Variants in AGBL1 observed in about 807,000 individuals in gnomAD.
AGBL1 encodes cytosolic carboxypeptidase 4.
In AGBL1, 130 loss-of-function variants were observed where a neutral mutation model predicts 118.9. The ratio of observed to expected loss-of-function variants is 1.09; its 90% CI spans 0.95 to 1.26. AGBL1 has a LOEUF of 1.26. Ranked by LOEUF, AGBL1 falls within the 50% of genes most tolerant of loss-of-function variation. The pLI is 0.00. For synonymous variants in AGBL1, 555 were observed against 478.9 expected, an observed-to-expected ratio of 1.16 and a Z score of -2.08; for missense variants, 1,584 against 1,298.1, an observed-to-expected ratio of 1.22 and a Z score of -3.38.
intron 6 of AGBL1, among the ~76,000 whole-genome samples, chr15:86,230,501 A>G (rs2078438679): frequency 6.6e-6 from 1 of 152,174 alleles, no homozygotes; most frequent in South Asian, 2.1e-4. Context: ...TTGCATGTAA[A>G]TTCTGTGTTT....
intron 22 of AGBL1, among the ~76,000 whole-genome samples, chr15:86,837,020 C>G (rs933492235): frequency 1.3e-5 from 2 of 152,096 alleles, no homozygotes; most frequent in Non-Finnish European, 2.9e-5. Context: ...ACAGTTACAC[C>G]TCTAGCACCT....
At chr15:86,884,277 T>C (rs2079938063) in intron 22 of AGBL1, among the ~76,000 whole-genome samples, 1 of 152,150 alleles carries the variant, frequency 6.6e-6, no homozygotes, top group African/African-American at 2.4e-5. Flanking sequence ...GGGCAGGTAG[T>C]ATACACAGGG....
At chr15:86,498,606 G>T (rs1250948474) in intron 18 of AGBL1, among the ~76,000 whole-genome samples, 2 of 151,764 alleles carry the variant, frequency 1.3e-5, no homozygotes, top group Non-Finnish European at 2.9e-5. Flanking sequence ...AATATTACTT[G>T]GTATGTGTAT....
intron 21 of AGBL1, among the ~76,000 whole-genome samples, chr15:86,645,586 C>A (rs1350577897): frequency 6.6e-6 from 1 of 152,040 alleles, no homozygotes; most frequent in African/African-American, 2.4e-5. Flanking sequence ...TCCTGTGCAC[C>A]TTTTATGAAG....
Position 86,143,689 on chromosome 15 carries a change from T to C in AGBL1, c.116-10T>C, listed in dbSNP as rs762602881. On this transcript the variant is annotated splice_polypyrimidine_tract_variant and intron_variant, in intron 2 of 22. Transcript: ENST00000614907. ...ACTTGTGGCTCATCTTTCCTCCGGT[T>C]TCCCCTCAGGCACAGACCGGAGAAT... is the stretch of plus-strand genomic sequence containing the variant. 29 of 1,612,436 alleles carry C rather than the reference T, an allele frequency of 1.8e-5. No homozygotes were observed. The highest frequency in any genetic ancestry group is 1.4e-5 in the Non-Finnish European group (17 of 1,179,060).
chr15:86,901,223 A>T (rs1362861119), intron 22 of AGBL1, among the ~76,000 whole-genome samples: 2 of 152,140 alleles, frequency 1.3e-5, no homozygotes, highest in South Asian at 2.1e-4. Flanking sequence ...TTCATTTCTA[A>T]AAGATTTTTT....
chr15:86,617,221 A>G (rs1345113014), intron 21 of AGBL1, among the ~76,000 whole-genome samples: 1 of 152,204 alleles, frequency 6.6e-6, no homozygotes, highest in Non-Finnish European at 1.5e-5. Context: ...GACTAGTGTC[A>G]TTCGACAGAA....
chr15:86,605,141 A>AC (rs1032048152), intron 21 of AGBL1, among the ~76,000 whole-genome samples: 1 of 151,544 alleles, frequency 6.6e-6, no homozygotes, highest in African/African-American at 2.4e-5. Context: ...CATGAAGAAT[A>AC]TTTTTTTTAA....
At chr15:86,446,378 G>T (rs2082121414) in intron 18 of AGBL1, among the ~76,000 whole-genome samples, 1 of 152,200 alleles carries the variant, frequency 6.6e-6, no homozygotes, top group East Asian at 1.9e-4. Flanking sequence ...AGCCAGAGAA[G>T]CTCAAGGGAG....
At chr15:86,504,800 G>T (rs1420364801) in intron 18 of AGBL1, among the ~76,000 whole-genome samples, 1 of 151,570 alleles carries the variant, frequency 6.6e-6, no homozygotes, top group Non-Finnish European at 1.5e-5. Context: ...AATCAGGGAA[G>T]AAATTTTATA....
intron 21 of AGBL1, among the ~76,000 whole-genome samples, chr15:86,570,948 C>A (rs1643895309): frequency 6.6e-6 from 1 of 152,128 alleles, no homozygotes; most frequent in Non-Finnish European, 1.5e-5. Flanking sequence ...GGTGTGTGAG[C>A]AGCATGCGGG....
chr15:86,736,450 T>C (rs1445497645), intron 22 of AGBL1, among the ~76,000 whole-genome samples: 1 of 152,096 alleles, frequency 6.6e-6, no homozygotes, highest in Non-Finnish European at 1.5e-5. Flanking sequence ...ATATAGCATC[T>C]CCCATTTAAT....
intron 22 of AGBL1, among the ~76,000 whole-genome samples, chr15:86,871,524 C>T (rs887684651): frequency 2.0e-5 from 3 of 152,160 alleles, no homozygotes; most frequent in African/African-American, 7.2e-5. Context: ...CTCCTGTGGT[C>T]TGGATCCTCA....
intron 17 of AGBL1, chr15:86,297,065 A>G (rs2079656619): frequency 6.6e-6 from 1 of 152,198 alleles, no homozygotes; most frequent in Non-Finnish European, 1.5e-5. Flanking sequence ...TGGCACTCCA[A>G]CAAATAGTTC....
intron 5 of AGBL1, among the ~76,000 whole-genome samples, chr15:86,188,904 A>G (rs939579170): frequency 6.6e-6 from 1 of 152,192 alleles, no homozygotes. Context: ...TGTAAAACAG[A>G]TTTATATGCT....
chr15:86,693,201 G>A (rs748731715), intron 22 of AGBL1, among the ~76,000 whole-genome samples: 7 of 151,932 alleles, frequency 4.6e-5, no homozygotes, highest in Non-Finnish European at 1.0e-4. Flanking sequence ...TTCCATAGTC[G>A]TTGTACTAGT....
intron 16 of AGBL1, among the ~76,000 whole-genome samples, chr15:86,286,689 A>G (rs1270168721): frequency 3.1e-5 from 4 of 129,376 alleles, no homozygotes; most frequent in Non-Finnish European, 6.7e-5. Flanking sequence ...ATGTATGTAT[A>G]TATATATGTG....
chr15:86,398,757 G>T (rs937621070), intron 18 of AGBL1, among the ~76,000 whole-genome samples: 1 of 152,076 alleles, frequency 6.6e-6, no homozygotes, highest in African/African-American at 2.4e-5. Flanking sequence ...AAGCACCGAA[G>T]ATAGATAAGT....
chr15:86,246,642 A>G (rs1422894406), intron 6 of AGBL1, among the ~76,000 whole-genome samples: 1 of 152,186 alleles, frequency 6.6e-6, no homozygotes, highest in African/African-American at 2.4e-5. Flanking sequence ...GGGAAGGGCA[A>G]GTTTTCTCTA....
Sources: gnomAD v4.1 joint callset for allele counts (sites outside exome capture counted in the v4.1 genomes callset) on GRCh38, gnomAD v4.1.1 for gene constraint, MANE v1.5 for transcripts, NCBI Gene and HGNC (gene_info 2026-07-23, HGNC 2026-07-21) for gene names.